Variants in KIF26A observed in about 807,000 individuals in gnomAD.
KIF26A encodes kinesin family member 26A.
In KIF26A, 74 loss-of-function variants were observed where a neutral mutation model predicts 126.0. The observed-to-expected ratio is 0.59, with a 90% CI of 0.49 to 0.71. The LOEUF (loss-of-function observed/expected upper bound fraction) is 0.71, where lower values mean the gene tolerates loss of function less well. Ranked by LOEUF, KIF26A falls within the 30% of genes least tolerant of loss-of-function variation. The pLI, the probability that KIF26A is intolerant of heterozygous loss-of-function variation, is 0.00. For missense variants in KIF26A, 2,984 were observed against 2,763.3 expected, an observed-to-expected ratio of 1.08 and a Z score of -1.79; for synonymous variants, 1,445 against 1,232.7, an observed-to-expected ratio of 1.17 and a Z score of -3.61.
At chr14:104,160,805 T>A (rs879586404) in intron 4 of KIF26A, among the ~76,000 whole-genome samples, 1 of 152,214 alleles carries the variant, frequency 6.6e-6, no homozygotes, top group South Asian at 2.1e-4. Flanking sequence ...CATGCTGGTA[T>A]GGGGGTCCCC....
intron 2 of KIF26A, among the ~76,000 whole-genome samples, chr14:104,139,765 G>C (rs533324798): frequency 4.6e-5 from 7 of 152,332 alleles, no homozygotes; most frequent in African/African-American, 1.7e-4. Flanking sequence ...ACAGCAGCTG[G>C]GGGGTCCCTG....
chr14:104,175,521 C>T lies in KIF26A; in HGVS notation c.2733C>T (p.Thr911=). Residue 911 remains threonine (T), a synonymous_variant, in exon 12 of 15, where the codon ACC becomes ACT. Coordinates refer to ENST00000423312, the MANE Select transcript of KIF26A (RefSeq NM_015656.2). ...CTGGTCCAGACACCCACCAGGGTAC[C>T]CCTGAGCCCTGCAAGGCCATTGTCT... ...GSSGPDTHQG[T]PEPCKAIVWG... is the part of the protein sequence containing the mutation. 6.3e-7 allele frequency: 1 copy of T among 1,599,674 alleles called. No homozygotes were observed. The highest frequency in any genetic ancestry group is 1.1e-5 in the South Asian group (1 of 90,532).
chr14:104,168,674 C>T (rs1051428617), intron 5 of KIF26A, among the ~76,000 whole-genome samples: 2 of 152,210 alleles, frequency 1.3e-5, no homozygotes, highest in South Asian at 2.1e-4. Flanking sequence ...TTGAATGGAT[C>T]GCTTGTCCCT....
In KIF26A at chr14:104,142,975, G is replaced by C. The variant is rs182045560; in HGVS notation, c.288+3687G>C. On this transcript the variant is annotated intron_variant, in intron 2 of 14. Transcript: ENST00000423312. ...CCATCCCCCTCCCCCACAAAGGATG[G>C]TTCCCTGCTTCAAGGAGAGGGTCCC... is the stretch of plus-strand genomic sequence containing the variant. 9.5e-4 allele frequency among the ~76,000 whole-genome samples: 145 copies of C among 152,324 alleles called. 2 individuals are homozygous for C. In the Middle Eastern group the frequency reaches 0.014, roughly 14 times the overall value.
rs974897291 is a variant in KIF26A, at chr14:104,168,287, G to A, written c.1113+1239G>A. On this transcript the variant is annotated intron_variant, in intron 5 of 14. Coordinates refer to ENST00000423312, the MANE Select transcript of KIF26A (RefSeq NM_015656.2). ...GCCCTCAGTGGTGCAGTTGCTGGGG[G>A]CTGTGCCCCCTGCCCGCCCGGTGAT... is the stretch of plus-strand genomic sequence containing the variant. 2.6e-5 allele frequency among the ~76,000 whole-genome samples: 4 copies of A among 152,324 alleles called. No individual in the cohort carries two copies. The East Asian group carries it at 7.7e-4, about 29-fold the overall frequency.
rs374800612 is a variant in KIF26A, at chr14:104,174,971, T to C, written c.2194-11T>C. On this transcript the variant is annotated splice_polypyrimidine_tract_variant and intron_variant, in intron 11 of 14. Coordinates refer to ENST00000423312, the MANE Select transcript of KIF26A (RefSeq NM_015656.2). ...AGACTGGGCTCGGCAGCTCCACTTT[T>C]CTTCCCCCAGTACGCCTCCAGCTCC... 1.2e-3 allele frequency: 1,775 copies of C among 1,516,088 alleles called. 3 individuals carry two copies. Among genetic ancestry groups the C allele is most frequent in the Non-Finnish European group, 1.3e-3 (1,497 of 1,133,492 alleles). The allele number at this position is 1,516,088 out of a possible 1,614,324, so 93.9% of individuals were successfully genotyped here. A position where few individuals can be genotyped will look rare whatever the true frequency, so the allele number is the denominator to read the frequency against.
chr14:104,142,504 G>C (rs547114845), intron 2 of KIF26A, among the ~76,000 whole-genome samples: 1 of 152,230 alleles, frequency 6.6e-6, no homozygotes, highest in African/African-American at 2.4e-5. Context: ...CATAGATGCT[G>C]TCCTCATCCC....
At chr14:104,149,534 G>A (rs1303167222) in intron 2 of KIF26A, among the ~76,000 whole-genome samples, 3 of 152,156 alleles carry the variant, frequency 2.0e-5, no homozygotes, top group African/African-American at 4.8e-5. Flanking sequence ...TTGGATGCCC[G>A]GAGCTCCGAG....
Position 104,165,435 on chromosome 14 carries a change from G to GTGTGTGTT in KIF26A, c.924-1423_924-1422insGTGTGTTT, listed in dbSNP as rs1566860784. Reference sequence around the variant, plus strand: ...TGTGTCTCTGTATGCGTGTGTGTCTGTCTCTGTGTGTGTTTCTGTATGCGT... The same window carrying GTGTGTGTT: ...TGTGTCTCTGTATGCGTGTGTGTCTGTGTGTGTTTCTCTGTGTGTGTTTCTGTATGCGT... On this transcript the variant is annotated intron_variant, in intron 4 of 14. Coordinates refer to ENST00000423312, the MANE Select transcript of KIF26A (RefSeq NM_015656.2). Among the ~76,000 whole-genome samples the GTGTGTGTT allele has an allele frequency of 1.0e-4, 15 of 143,548 alleles. 2 individuals are homozygous for GTGTGTGTT. The highest frequency in any genetic ancestry group is 3.7e-4 in the African/African-American group (15 of 40,014). The allele number at this position is 143,548 out of a possible 152,430, so 94.2% of individuals were successfully genotyped here.
intron 2 of KIF26A, among the ~76,000 whole-genome samples, chr14:104,142,242 G>A (rs1049633439): frequency 1.4e-4 from 22 of 152,118 alleles, no homozygotes; most frequent in Admixed American, 3.9e-4. Flanking sequence ...GAGCCCCAGG[G>A]GATTGTCTTT....
Position 104,176,708 on chromosome 14 carries a change from G to A in KIF26A, c.3920G>A (p.Arg1307Gln), listed in dbSNP as rs776715139. ...PEAVARIPPL[R>Q]RGATTLGVTT... ...GCTGTGGCTCGGATCCCACCGCTGC[G>A]GAGGGGTGCCACCACGCTGGGTGTG... The change falls in exon 12 of 15, where the codon CGG becomes CAG. Residue 1307 changes from arginine to glutamine, a missense_variant. Physicochemically the swap from Arg to Gln is conservative, Grantham distance 43 (BLOSUM62 1). Transcript: ENST00000423312. 2.8e-5 allele frequency: 45 copies of A among 1,587,648 alleles called. No homozygotes were observed. The highest frequency in any genetic ancestry group is 3.4e-5 in the Non-Finnish European group (40 of 1,167,862).
In KIF26A at chr14:104,180,506, G is replaced by A. The variant is rs140171895; in HGVS notation, c.*716G>A. The A allele has an allele frequency of 2.2e-4, 34 of 152,388 alleles. No homozygotes were observed. Among genetic ancestry groups the A allele is most frequent in the African/African-American group, 8.2e-4 (34 of 41,570 alleles). The allele number at this position is 152,388 out of a possible 1,614,324, so 9.4% of individuals were successfully genotyped here. On this transcript the variant is annotated 3_prime_UTR_variant, in exon 15 of 15. Transcript: ENST00000423312. ...GACCACCACGACCAACAACAAAGAT[G>A]GGGGGTAGGGTTTTGTAAAGGTTCT...
At position 104,180,769 on chromosome 14, in the gene KIF26A, C is replaced by T. The variant is rs895990454; in HGVS notation, c.*979C>T. 6.5e-6 allele frequency: 1 copy of T among 154,340 alleles called. No individual in the cohort carries two copies. The highest frequency in any genetic ancestry group is 1.5e-5 in the Non-Finnish European group (1 of 68,220). The allele number at this position is 154,340 out of a possible 1,614,324, so 9.6% of individuals were successfully genotyped here. ...GTGAGCCTGCCAGCGTTTGCGACGT[C>T]CCCGCACGACAGGCTCATACTTTCT... On this transcript the variant is annotated 3_prime_UTR_variant, in exon 15 of 15. Coordinates refer to ENST00000423312, the MANE Select transcript of KIF26A (RefSeq NM_015656.2).
intron 2 of KIF26A, among the ~76,000 whole-genome samples, chr14:104,143,178 C>T (rs2037651919): frequency 6.6e-6 from 1 of 152,246 alleles, no homozygotes; most frequent in African/African-American, 2.4e-5. Flanking sequence ...AGGCAGGGGC[C>T]TCATCCTTAT....
chr14:104,173,962 A>C, intron 10 of KIF26A, 94 bp downstream of exon 10: 11 of 1,461,596 alleles, frequency 7.5e-6, no homozygotes, highest in Non-Finnish European at 1.0e-5. Context: ...TGTGGCCCCC[A>C]GCTCCTCAGG....
rs558530686 is a variant in KIF26A, at chr14:104,172,014, C to A, written c.1326+79C>A. On this transcript the variant is annotated intron_variant, in intron 6 of 14. Coordinates refer to ENST00000423312, the MANE Select transcript of KIF26A (RefSeq NM_015656.2). ...CTCAGCACATGGGTCCGATCTGCGC[C>A]CGCTTCTCCGTGCAGGGCGCAGAGG... is the stretch of plus-strand genomic sequence containing the variant. The A allele has an allele frequency of 2.6e-5, 35 of 1,346,236 alleles. No homozygotes were observed. In the African/African-American group the frequency reaches 4.9e-4, roughly 19 times the overall value. The allele number at this position is 1,346,236 out of a possible 1,614,324, so 83.4% of individuals were successfully genotyped here.
At chr14:104,153,716 G>T (rs896079074) in intron 3 of KIF26A, among the ~76,000 whole-genome samples, 5 of 152,204 alleles carry the variant, frequency 3.3e-5, no homozygotes, top group African/African-American at 1.2e-4. Flanking sequence ...CCTGGAGGAG[G>T]TCTCATTGAG....
intron 4 of KIF26A, among the ~76,000 whole-genome samples, chr14:104,164,833 GTC>G (rs72107146): frequency 0.01 from 1,588 of 151,984 alleles, 34 homozygotes; most frequent in African/African-American, 0.036. Flanking sequence ...CTGTGTGAGT[GTC>G]TGAGTATGTG....
In KIF26A at chr14:104,173,236, G is replaced by A. The variant is rs574808011; in HGVS notation, c.1680G>A (p.Ala560=). The change falls in exon 8 of 15, where the codon GCG becomes GCA. Residue 560 remains alanine (A), a synonymous_variant. Coordinates refer to ENST00000423312, the MANE Select transcript of KIF26A (RefSeq NM_015656.2). ...TGCGGGAGGACCCCGTGTGTGGGGC[G>A]CAGGTGCGCCTGCCTACTGTCCCAC... ...VYLREDPVCG[A]QLQNQSELRA... is the part of the protein sequence containing the mutation. 4.4e-6 allele frequency: 7 copies of A among 1,606,360 alleles called. No individual in the cohort carries two copies. Among genetic ancestry groups the A allele is most frequent in the African/African-American group, 2.7e-5 (2 of 74,906 alleles).
Sources: gnomAD v4.1 joint callset for allele counts (sites outside exome capture counted in the v4.1 genomes callset) on GRCh38, gnomAD v4.1.1 for gene constraint, MANE v1.5 for transcripts, NCBI Gene and HGNC (gene_info 2026-07-23, HGNC 2026-07-21) for gene names.